The following CCDC88C variants were observed in gnomAD, a reference collection of about 807,000 sequenced individuals.
CCDC88C encodes protein Daple.
CCDC88C carries 131 observed loss-of-function variants against 198.8 expected under a neutral mutation model. The observed-to-expected ratio is 0.66, with a 90% CI of 0.57 to 0.76. The LOEUF (loss-of-function observed/expected upper bound fraction) is 0.76, where lower values mean the gene tolerates loss of function less well. Ranked by LOEUF, CCDC88C falls within the 30% of genes least tolerant of loss-of-function variation. CCDC88C has a pLI of 0.00. For missense variants in CCDC88C, 2,553 were observed against 2,631.6 expected (o/e 0.97, Z 0.65); for synonymous variants, 1,166 against 1,114.7 (o/e 1.05, Z -0.92).
intron 29 of CCDC88C, among the ~76,000 whole-genome samples, chr14:91,277,480 G>C (rs1401370252): frequency 6.6e-6 from 1 of 152,174 alleles, no homozygotes; most frequent in East Asian, 1.9e-4. Flanking sequence ...TCTCGAATGT[G>C]GCAGAATTGA....
rs925392159 is a variant in CCDC88C at position 91,273,722 on chromosome 14, C to T, written c.5059-69G>A. On this transcript the variant is annotated intron_variant, in intron 29 of 29. Coordinates refer to ENST00000389857, the MANE Select transcript of CCDC88C (RefSeq NM_001080414.4). The surrounding 1 kb of genome is among the most constrained non-coding windows in gnomAD (Gnocchi z 5.6). The stretch of plus-strand genomic sequence containing the variant: ...GGTGGGTCCTTGGAGCCGCCTCCTG[C>T]GCGGGACGCCCCCGAGCAGCCCACG... The T allele has an allele frequency of 9.7e-6, 13 of 1,339,270 alleles. No individual in the cohort carries two copies. The highest frequency in any genetic ancestry group is 6.0e-5 in the African/African-American group (4 of 66,498). 83.0% of individuals were successfully genotyped at this position (1,339,270 alleles called of 1,614,324 possible).
rs113744989 is a variant in CCDC88C, at chr14:91,272,849, G to C, written c.5863C>G (p.Pro1955Ala). 7 of 1,593,772 alleles carry C rather than the reference G, an allele frequency of 4.4e-6. No homozygotes were observed. Among genetic ancestry groups the C allele is most frequent in the African/African-American group, 1.3e-5 (1 of 74,776 alleles). The change falls in exon 30 of 30, where the codon CCT becomes GCT. Residue 1955 changes from proline to alanine, a missense_variant. Coordinates refer to ENST00000389857, the MANE Select transcript of CCDC88C (RefSeq NM_001080414.4). ...PRSGEVATIT[P>A]VRAGLSLSEG... Reference sequence around the variant, plus strand: ...GAGAGGCTGAGCCCTGCCCGGACAGGGGTGATGGTGGCCACCTCCCCTGAG... The same window carrying C: ...GAGAGGCTGAGCCCTGCCCGGACAGCGGTGATGGTGGCCACCTCCCCTGAG...
chr14:91,366,153 TACACACACACACACACACACACACACAC>T (rs57281083), intron 3 of CCDC88C, among the ~76,000 whole-genome samples: 4 of 136,374 alleles, frequency 2.9e-5, no homozygotes, highest in African/African-American at 1.1e-4. Context: ...ACTTAAAAAA[TACACACACACACACACACACACACACAC>T]ACACACACAC....
chr14:91,307,715 T>A (rs947769880), intron 17 of CCDC88C, among the ~76,000 whole-genome samples: 1 of 152,100 alleles, frequency 6.6e-6, no homozygotes, highest in Non-Finnish European at 1.5e-5. Flanking sequence ...TGATCACCTG[T>A]GAGAGTGTGC....
intron 22 of CCDC88C, among the ~76,000 whole-genome samples, chr14:91,296,905 G>A (rs538450244): frequency 4.5e-4 from 68 of 152,256 alleles, no homozygotes; most frequent in Admixed American, 1.7e-3. Context: ...AGGGACTCCC[G>A]AGTGAGCTCC....
chr14:91,321,273 G>A lies in CCDC88C; in HGVS notation c.1374C>T (p.Asn458=), dbSNP rs373669989. The change falls in exon 13 of 30, where the codon AAC becomes AAT. Residue 458 remains asparagine, a synonymous_variant. Transcript: ENST00000389857. ...TCAGGATGCGGCTGGACGCACATTC[G>A]TTCAGCTCAAACACAAACGACTTCC... ...ASRKSFVFEL[N]ECASSRILKL... 9.2e-5 allele frequency: 144 copies of A among 1,567,994 alleles called. No individual in the cohort carries two copies. Among genetic ancestry groups the A allele is most frequent in the Non-Finnish European group, 9.4e-5 (109 of 1,155,748 alleles).
intron 3 of CCDC88C, among the ~76,000 whole-genome samples, chr14:91,373,980 C>A (rs1364149405): frequency 2.0e-5 from 3 of 152,208 alleles, no homozygotes; most frequent in African/African-American, 7.2e-5. Flanking sequence ...CGTGTCCCTG[C>A]CTGAGTCCCA....
Position 91,273,729 on chromosome 14 carries a change from C to G in CCDC88C, c.5059-76G>C. 1.6e-6 allele frequency: 2 copies of G among 1,285,616 alleles called. No homozygotes were observed. The highest frequency in any genetic ancestry group is 2.0e-6 in the Non-Finnish European group (2 of 978,204). 79.6% of individuals were successfully genotyped at this position (1,285,616 alleles called of 1,614,324 possible). Reference sequence around the variant, plus strand: ...CCTTGGAGCCGCCTCCTGCGCGGGACGCCCCCGAGCAGCCCACGTGGCTGG... The same window carrying G: ...CCTTGGAGCCGCCTCCTGCGCGGGAGGCCCCCGAGCAGCCCACGTGGCTGG... On this transcript the variant is annotated intron_variant, in intron 29 of 29. Coordinates refer to ENST00000389857, the MANE Select transcript of CCDC88C (RefSeq NM_001080414.4). This position sits in a 1 kb window ranked among gnomAD's most constrained non-coding sequence, Gnocchi z 5.6.
chr14:91,349,954 T>C (rs151013675), intron 4 of CCDC88C, among the ~76,000 whole-genome samples: 2 of 152,328 alleles, frequency 1.3e-5, no homozygotes, highest in Non-Finnish European at 2.9e-5. Context: ...ATGGCAGACA[T>C]GATTAGTCAA....
intron 3 of CCDC88C, among the ~76,000 whole-genome samples, chr14:91,398,818 G>A (rs1886000004): frequency 6.6e-6 from 1 of 152,188 alleles, no homozygotes; most frequent in South Asian, 2.1e-4. Flanking sequence ...TTGTCTGGCT[G>A]ATCAGGAAGC....
Position 91,272,877 on chromosome 14 carries a change from TG to T in CCDC88C, c.5834del (p.Pro1945HisfsTer120). 1.3e-6 allele frequency: 2 copies of T among 1,589,724 alleles called. No individual in the cohort carries two copies. Among genetic ancestry groups the T allele is most frequent in the South Asian group, 1.1e-5 (1 of 89,116 alleles). ...PAARTKPKAP[P>X]RSGEVATITP... ...TGATGGTGGCCACCTCCCCTGAGCG[TG>T]GGGGCGCCTTGGGCTTGGTCCTGGC... On this transcript the variant is annotated frameshift_variant, in exon 30 of 30. Transcript: ENST00000389857. LOFTEE classifies it low-confidence loss of function (END_TRUNC).
At chr14:91,413,693 C>T (rs143178229) in intron 2 of CCDC88C, among the ~76,000 whole-genome samples, 6 of 152,320 alleles carry the variant, frequency 3.9e-5, no homozygotes, top group African/African-American at 1.4e-4. Context: ...CTTCCAGGTG[C>T]TGATGTCACC....
At chr14:91,300,209 T>A in intron 20 of CCDC88C, 139 bp from the exon 21 acceptor site, 1 of 1,295,756 alleles carries the variant, frequency 7.7e-7, no homozygotes, top group Non-Finnish European at 1.0e-6. Context: ...GTGAGGGGCA[T>A]GGGGCAGGGA....
At chr14:91,281,563 A>T in intron 26 of CCDC88C, 38 bp from the exon 27 acceptor site, 1 of 1,597,136 alleles carries the variant, frequency 6.3e-7, no homozygotes, top group Non-Finnish European at 8.6e-7. Context: ...ATGGTTACGG[A>T]ACATGCCTCA....
intron 1 of CCDC88C, chr14:91,417,318 C>A: frequency 1.6e-6 from 1 of 628,012 alleles, no homozygotes; most frequent in South Asian, 1.8e-5. Context: ...ACAGGAGTGA[C>A]CACTGGGACC....
rs1028746873 is a variant in CCDC88C, at chr14:91,303,681, C to T, written c.3635+20G>A. The T allele has an allele frequency of 3.2e-6, 5 of 1,549,862 alleles. No individual in the cohort carries two copies. The highest frequency in any genetic ancestry group is 1.2e-5 in the South Asian group (1 of 83,552). The stretch of plus-strand genomic sequence containing the variant: ...TGGACTCTACCCCTCCCCAGATCCC[C>T]TTCCTTCCCCAGGCCCTACCTCTCC... On this transcript the variant is annotated intron_variant, in intron 20 of 29. Transcript: ENST00000389857.
rs930225724 is a variant in CCDC88C at position 91,348,693 on chromosome 14, G to A, written c.341-5036C>T. 9.2e-5 allele frequency among the ~76,000 whole-genome samples: 14 copies of A among 152,242 alleles called. No homozygotes were observed. In the South Asian group the frequency reaches 2.9e-3, roughly 32 times the overall value. ...GTTAGAAGAGTATGGATTCCTGTTT[G>A]CTAAGGTTTGTAACAGGAGGGAAAA... On this transcript the variant is annotated intron_variant, in intron 4 of 29. Transcript: ENST00000389857.
At chr14:91,396,788 A>T (rs556966243) in intron 3 of CCDC88C, among the ~76,000 whole-genome samples, 1 of 152,288 alleles carries the variant, frequency 6.6e-6, no homozygotes, top group South Asian at 2.1e-4. Flanking sequence ...CAACTTCAGG[A>T]GTTCGAGACC....
intron 13 of CCDC88C, among the ~76,000 whole-genome samples, chr14:91,320,796 G>A (rs942635768): frequency 1.6e-4 from 24 of 152,170 alleles, no homozygotes; most frequent in Admixed American, 5.2e-4. Flanking sequence ...GGAAGAGAAC[G>A]AGGGAGTTTT....
Sources: allele counts gnomAD v4.1 joint callset (sites outside exome capture counted in the v4.1 genomes callset), GRCh38; gene constraint gnomAD v4.1.1; non-coding constraint Gnocchi (gnomAD v3.1); transcripts MANE v1.5; gene names NCBI Gene and HGNC (gene_info 2026-07-23, HGNC 2026-07-21).